AFF2: variants seen among roughly 807,000 people sequenced by gnomAD.
AFF2 encodes the protein AF4/FMR2 family member 2.
Under a neutral mutation model 76.9 loss-of-function variants are expected in AFF2, and 14 were observed. The observed-to-expected ratio is 0.18, with a 90% CI of 0.12 to 0.28. AFF2 has a LOEUF of 0.28. Ranked by LOEUF, AFF2 falls within the 10% of genes least tolerant of loss-of-function variation. The pLI is 1.00. For missense variants in AFF2, 868 were observed against 1,001.1 expected (o/e 0.87, Z 1.79); for synonymous variants, 398 against 366.7 (o/e 1.09, Z -0.98).
At chrX:148,674,272 T>G (rs1457013366) in intron 3 of AFF2, among the ~76,000 whole-genome samples, 1 of 112,435 alleles carries the variant, frequency 8.9e-6, no homozygotes, top group African/African-American at 3.2e-5. Flanking sequence ...CCAAACCACA[T>G]CAGGCAGTGG....
At chrX:148,801,456 A>T (rs1421887049) in intron 3 of AFF2, among the ~76,000 whole-genome samples, 3 of 111,922 alleles carry the variant, frequency 2.7e-5, no homozygotes, top group Non-Finnish European at 5.6e-5. Flanking sequence ...CTTCATAGAG[A>T]AAAATAAGAT....
intron 3 of AFF2, among the ~76,000 whole-genome samples, chrX:148,706,649 T>G (rs1477862768): frequency 3.6e-5 from 4 of 112,474 alleles, no homozygotes; most frequent in African/African-American, 1.3e-4. Context: ...AAGGATGCTC[T>G]TTCTTTGAGG....
chrX:148,740,281 C>T (rs2055335742), intron 3 of AFF2, among the ~76,000 whole-genome samples: 1 of 112,160 alleles, frequency 8.9e-6, no homozygotes, highest in Non-Finnish European at 1.9e-5. Context: ...CTGAGGAACA[C>T]TGATTATTCT....
chrX:148,722,166 A>G (rs1906704206), intron 3 of AFF2, among the ~76,000 whole-genome samples: 1 of 111,183 alleles, frequency 9.0e-6, no homozygotes, highest in African/African-American at 3.3e-5. Flanking sequence ...GACTGGTCAG[A>G]AGGGCAGAGG....
chrX:148,948,368 A>G (rs1557286303), intron 9 of AFF2, among the ~76,000 whole-genome samples: 1 of 111,712 alleles, frequency 9.0e-6, no homozygotes, highest in Non-Finnish European at 1.9e-5. Context: ...TGTTTCTCAT[A>G]AAGTCCATAA....
At chrX:148,813,323 GC>G (rs2070226299) in intron 4 of AFF2, among the ~76,000 whole-genome samples, 1 of 111,725 alleles carries the variant, frequency 9.0e-6, no homozygotes, top group African/African-American at 3.2e-5. Flanking sequence ...AAACAAACTT[GC>G]TTCAGACAGT....
At chrX:148,771,789 C>T (rs1345690617) in intron 3 of AFF2, among the ~76,000 whole-genome samples, 8 of 111,820 alleles carry the variant, frequency 7.2e-5, no homozygotes, top group African/African-American at 2.6e-4. Context: ...TGATTCTTTG[C>T]TGATTTAATA....
chrX:148,920,238 A>G (rs1267015811), intron 9 of AFF2, among the ~76,000 whole-genome samples: 1 of 111,459 alleles, frequency 9.0e-6, no homozygotes, highest in Non-Finnish European at 1.9e-5. Context: ...ATCCAGACAT[A>G]TTGATCCTTG....
intron 3 of AFF2, among the ~76,000 whole-genome samples, chrX:148,667,857 A>G (rs1360083110): frequency 9.0e-6 from 1 of 111,702 alleles, no homozygotes; most frequent in Admixed American, 9.5e-5. Flanking sequence ...CCCAAATCTC[A>G]TGTCCTCACA....
At chrX:148,663,528 C>T (rs1200114912) in intron 3 of AFF2, among the ~76,000 whole-genome samples, 1 of 112,434 alleles carries the variant, frequency 8.9e-6, no homozygotes, top group Non-Finnish European at 1.9e-5. Flanking sequence ...AGGAATGAAT[C>T]GCTAATGATT....
intron 7 of AFF2, among the ~76,000 whole-genome samples, chrX:148,853,720 G>C (rs1363376425): frequency 8.9e-6 from 1 of 111,812 alleles, no homozygotes; most frequent in Non-Finnish European, 1.9e-5. Context: ...TGTCAATGCA[G>C]TTTAAATCAA....
intron 11 of AFF2, 124 bp downstream of exon 11, chrX:148,956,737 T>A: frequency 1.6e-6 from 1 of 606,780 alleles, no homozygotes; most frequent in African/African-American, 2.3e-5. Context: ...GCAAAGGTGA[T>A]GATGCTTTCT....
chrX:148,596,361 C>T (rs1269975706), intron 1 of AFF2, among the ~76,000 whole-genome samples: 4 of 112,094 alleles, frequency 3.6e-5, no homozygotes, highest in African/African-American at 1.3e-4. Flanking sequence ...CCAACCACTT[C>T]ATGGCCACTT....
At chrX:148,942,151 A>G (rs2071843974) in intron 9 of AFF2, among the ~76,000 whole-genome samples, 1 of 107,949 alleles carries the variant, frequency 9.3e-6, no homozygotes, top group African/African-American at 3.4e-5. Context: ...ATTAGCGATG[A>G]CTTCATATTA....
At chrX:148,584,903 C>G (rs1557245664) in intron 1 of AFF2, among the ~76,000 whole-genome samples, 1 of 111,625 alleles carries the variant, frequency 9.0e-6, no homozygotes, top group African/African-American at 3.3e-5. Context: ...ATAAAAGAAA[C>G]ATGAGATTTG....
chrX:148,667,260 C>T (rs949300939), intron 3 of AFF2, among the ~76,000 whole-genome samples: 14 of 112,575 alleles, frequency 1.2e-4, no homozygotes, highest in African/African-American at 4.5e-4. Context: ...ACACCCTATG[C>T]AGTGAACACT....
At chrX:148,955,564 G>C (rs372491449) in intron 10 of AFF2, 39 bp from the exon 11 acceptor site, 1 of 1,170,611 alleles carries the variant, frequency 8.5e-7, no homozygotes, top group African/African-American at 1.8e-5. Flanking sequence ...TCCTTCCCAA[G>C]TGTAAAAATC....
chrX:148,573,291 C>T (rs1271070588), intron 1 of AFF2, among the ~76,000 whole-genome samples: 1 of 110,965 alleles, frequency 9.0e-6, no homozygotes, highest in Non-Finnish European at 1.9e-5. Flanking sequence ...CCTCTGGGAC[C>T]CTGATCCCCA....
At chrX:148,966,674 T>G in intron 13 of AFF2, 116 bp from the exon 14 acceptor site, 3 of 1,027,990 alleles carry the variant, frequency 2.9e-6, no homozygotes, top group Non-Finnish European at 3.7e-6. Context: ...CATTGTTTTC[T>G]TTCTTTTTTT....
Sources: gnomAD v4.1 joint callset for allele counts (sites outside exome capture counted in the v4.1 genomes callset) on GRCh38, gnomAD v4.1.1 for gene constraint, MANE v1.5 for transcripts, NCBI Gene and HGNC (gene_info 2026-07-23, HGNC 2026-07-21) for gene names.